SPOP: variants seen among roughly 807,000 people sequenced by gnomAD.
SPOP encodes speckle-type POZ protein.
SPOP carries 11 observed loss-of-function variants against 45.6 expected under a neutral mutation model. The observed-to-expected ratio is 0.24, with a 90% confidence interval of 0.15 to 0.40. The LOEUF (loss-of-function observed/expected upper bound fraction) is 0.40, where lower values mean the gene tolerates loss of function less well. Ranked by LOEUF, SPOP falls within the 10% of genes least tolerant of loss-of-function variation. The probability of loss-of-function intolerance (pLI) is 1.00; values close to 1 mark genes in which losing one functional copy is unlikely to be tolerated. For synonymous variants in SPOP, 166 were observed against 166.3 expected, an observed-to-expected ratio of 1.00 and a Z score of 0.01; for missense variants, 152 against 465.6, an observed-to-expected ratio of 0.33 and a Z score of 6.20.
Position 49,600,203 on chromosome 17 carries a change from C to A in SPOP, c.*175G>T. 1.2e-6 allele frequency: 1 copy of A among 825,814 alleles called. No homozygotes were observed. The highest frequency in any genetic ancestry group is 1.9e-6 in the Non-Finnish European group (1 of 520,482). 51.2% of individuals were successfully genotyped at this position (825,814 alleles called of 1,614,324 possible). Reference sequence around the variant, plus strand: ...GGGTTTTCATTTCATTTTCCCTCCCCCCGTTTCCCCCAAGTTATTTAGTGC... The same window carrying A: ...GGGTTTTCATTTCATTTTCCCTCCCACCGTTTCCCCCAAGTTATTTAGTGC... On this transcript the variant is annotated 3_prime_UTR_variant, in exon 10 of 10. Transcript: ENST00000504102. The surrounding 1 kb of genome is among the most constrained non-coding windows in gnomAD (Gnocchi z 4.2).
intron 1 of SPOP, among the ~76,000 whole-genome samples, chr17:49,646,969 A>G (rs946050172): frequency 6.6e-6 from 1 of 152,050 alleles, no homozygotes; most frequent in Non-Finnish European, 1.5e-5. Context: ...TTCCAATTTC[A>G]TTTTCAAGTG....
intron 5 of SPOP, 31 bp downstream of exon 5, chr17:49,618,950 C>T (rs2072149965): frequency 6.2e-7 from 1 of 1,600,054 alleles, no homozygotes; most frequent in Non-Finnish European, 8.5e-7. Flanking sequence ...GATCTGGGAA[C>T]TGCTAGTCTC....
At chr17:49,615,512 A>T (rs578212840) in intron 5 of SPOP, among the ~76,000 whole-genome samples, 3 of 152,060 alleles carry the variant, frequency 2.0e-5, no homozygotes, top group East Asian at 3.9e-4. Context: ...TTATTTATTT[A>T]TTTTTTAACA....
At chr17:49,677,635 C>A (rs2073218961) in intron 1 of SPOP, among the ~76,000 whole-genome samples, 2 of 151,296 alleles carry the variant, frequency 1.3e-5, no homozygotes, top group South Asian at 2.1e-4. Context: ...TCACCCATCT[C>A]GCCGCAGGCG....
At chr17:49,669,292 C>T (rs2073105678) in intron 1 of SPOP, among the ~76,000 whole-genome samples, 1 of 150,318 alleles carries the variant, frequency 6.7e-6, no homozygotes, top group African/African-American at 2.4e-5. Context: ...GTCTTGAACT[C>T]CCGACCTCAG....
intron 1 of SPOP, among the ~76,000 whole-genome samples, chr17:49,660,703 G>C (rs547942923): frequency 6.6e-6 from 1 of 152,150 alleles, no homozygotes; most frequent in African/African-American, 2.4e-5. Context: ...AGTGGCTCAC[G>C]CCTATAATCC....
At chr17:49,624,331 G>GCGCGCGCGCACACACA (rs71352523) in intron 1 of SPOP, among the ~76,000 whole-genome samples, 5 of 149,224 alleles carry the variant, frequency 3.4e-5, no homozygotes, top group African/African-American at 1.2e-4. Context: ...GCGCGCGCGC[G>GCGCGCGCGCACACACA]CACACACACA....
chr17:49,600,676 A>G lies in SPOP; in HGVS notation c.981-154T>C. The G allele has an allele frequency of 1.3e-6, 1 of 784,072 alleles. No homozygotes were observed. The allele number at this position is 784,072 out of a possible 1,614,324, so 48.6% of individuals were successfully genotyped here. On this transcript the variant is annotated intron_variant, in intron 9 of 9. Transcript: ENST00000504102. The surrounding 1 kb of genome is among the most constrained non-coding windows in gnomAD (Gnocchi z 4.2). ...TAATATGCATAAGAATTTGCTTGTT[A>G]GACAATGAGCAGACTGGTGACTTGC... is the stretch of plus-strand genomic sequence containing the variant.
chr17:49,677,242 C>T (rs139573536), intron 1 of SPOP, among the ~76,000 whole-genome samples: 1 of 152,108 alleles, frequency 6.6e-6, no homozygotes, highest in African/African-American at 2.4e-5. Context: ...TAAGTTGGTA[C>T]TAAAAGGTAC....
chr17:49,602,018 C>T lies in SPOP; in HGVS notation c.838-11G>A, dbSNP rs781760636. The T allele has an allele frequency of 9.9e-6, 16 of 1,613,656 alleles. No individual in the cohort carries two copies. The highest frequency in any genetic ancestry group is 1.3e-5 in the Non-Finnish European group (15 of 1,179,814). ...GCGCTCCAGGGCATACTGTAAAACA[C>T]AAGCACTGCTGTCATCAGAGCAGCA... On this transcript the variant is annotated splice_polypyrimidine_tract_variant and intron_variant, in intron 8 of 9. Transcript: ENST00000504102.
intron 1 of SPOP, among the ~76,000 whole-genome samples, chr17:49,671,514 C>A (rs183131191): frequency 1.3e-5 from 2 of 151,812 alleles, no homozygotes; most frequent in African/African-American, 4.8e-5. Flanking sequence ...AGGGCTCCCA[C>A]AGGCCAAATA....
chr17:49,602,028 T>G, intron 8 of SPOP, 21 bp from the exon 9 acceptor site: 2 of 1,613,320 alleles, frequency 1.2e-6, no homozygotes, highest in African/African-American at 1.3e-5. Context: ...CAAGCACTGC[T>G]GTCATCAGAG....
intron 6 of SPOP, among the ~76,000 whole-genome samples, chr17:49,609,916 A>T (rs1597909978): frequency 6.6e-6 from 1 of 151,912 alleles, no homozygotes; most frequent in East Asian, 1.9e-4. Flanking sequence ...TGGGATATAA[A>T]ACAGAGCAGA....
intron 1 of SPOP, among the ~76,000 whole-genome samples, chr17:49,657,746 G>C (rs1348748939): frequency 7.1e-6 from 1 of 141,698 alleles, no homozygotes; most frequent in Non-Finnish European, 1.5e-5. Flanking sequence ...TGTCACCCAG[G>C]CTAGAGTGCA....
chr17:49,649,882 A>C (rs2072818087), intron 1 of SPOP, among the ~76,000 whole-genome samples: 1 of 151,970 alleles, frequency 6.6e-6, no homozygotes, highest in Non-Finnish European at 1.5e-5. Context: ...TATAGTACAT[A>C]GTTTACTTTC....
intron 1 of SPOP, among the ~76,000 whole-genome samples, chr17:49,660,891 G>A (rs549361209): frequency 1.3e-5 from 2 of 152,290 alleles, no homozygotes; most frequent in African/African-American, 4.8e-5. Flanking sequence ...GTGTGAACCC[G>A]GGAGGCGGAG....
chr17:49,644,782 G>T lies in SPOP; in HGVS notation c.-66-21906C>A, dbSNP rs190645789. Among the ~76,000 whole-genome samples the T allele has an allele frequency of 3.6e-4, 54 of 152,104 alleles. No individual in the cohort carries two copies. The Middle Eastern group carries it at 0.01, about 29-fold the overall frequency. ...CTCACACATATGTATATAATTTATT[G>T]TCTAAAAATTAAACACGTAAAGCAA... On this transcript the variant is annotated intron_variant, in intron 1 of 9. Coordinates refer to ENST00000504102, the MANE Select transcript of SPOP (RefSeq NM_001007228.2).
chr17:49,632,009 C>A (rs765848083), intron 1 of SPOP, among the ~76,000 whole-genome samples: 1 of 152,158 alleles, frequency 6.6e-6, no homozygotes, highest in Non-Finnish European at 1.5e-5. Flanking sequence ...AGAAGTTAAG[C>A]TCAACGAGAA....
chr17:49,617,881 G>A lies in SPOP; in HGVS notation c.480+1100C>T, dbSNP rs139105523. Among the ~76,000 whole-genome samples, 997 of 142,276 alleles carry A rather than the reference G, an allele frequency of 7.0e-3. 2 individuals carry two copies. Among genetic ancestry groups the A allele is most frequent in the African/African-American group, 0.024 (913 of 37,550 alleles). 93.3% of individuals were successfully genotyped at this position (142,276 alleles called of 152,430 possible). A position where few individuals can be genotyped will look rare whatever the true frequency, so the allele number is the denominator to read the frequency against. Reference sequence around the variant, plus strand: ...AGAGGTTGCAGTGAGCCAAGGTTGCGCCACTGCACTCTAGCCTGGGTGACA... The same window carrying A: ...AGAGGTTGCAGTGAGCCAAGGTTGCACCACTGCACTCTAGCCTGGGTGACA... On this transcript the variant is annotated intron_variant, in intron 5 of 9. Transcript: ENST00000504102.
Sources: gnomAD v4.1 joint callset for allele counts (sites outside exome capture counted in the v4.1 genomes callset) on GRCh38, gnomAD v4.1.1 for gene constraint, Gnocchi (gnomAD v3.1) non-coding constraint, MANE v1.5 for transcripts, NCBI Gene and HGNC (gene_info 2026-07-23, HGNC 2026-07-21) for gene names.